The following GPR89A variants were observed in gnomAD, a reference collection of about 807,000 sequenced individuals.
GPR89A encodes the protein golgi pH regulator A.
GPR89A carries 16 observed loss-of-function variants against 52.0 expected under a neutral mutation model. The observed-to-expected ratio is 0.31, with a 90% confidence interval of 0.21 to 0.47. GPR89A has a LOEUF of 0.47. Ranked by LOEUF, GPR89A falls within the 20% of genes least tolerant of loss-of-function variation. GPR89A has a pLI of 1.00. For missense variants in GPR89A, 135 were observed against 449.4 expected, an observed-to-expected ratio of 0.30 and a Z score of 6.33; for synonymous variants, 55 against 150.9, an observed-to-expected ratio of 0.36 and a Z score of 4.66.
chr1:145,663,107 T>C (rs1401411384), intron 10 of GPR89A, among the ~76,000 whole-genome samples: 21 of 152,154 alleles, frequency 1.4e-4, no homozygotes, highest in African/African-American at 4.8e-4. Context: ...CATTGACTCT[T>C]TACAGAAAAG....
At chr1:145,627,484 A>G (rs1649589124) in intron 5 of GPR89A, among the ~76,000 whole-genome samples, 1 of 152,048 alleles carries the variant, frequency 6.6e-6, no homozygotes, top group African/African-American at 2.4e-5. Context: ...AGGGGTTGCA[A>G]ATTCAAGAGG....
intron 3 of GPR89A, among the ~76,000 whole-genome samples, chr1:145,620,985 A>G (rs1649102115): frequency 6.6e-6 from 1 of 152,196 alleles, no homozygotes; most frequent in Non-Finnish European, 1.5e-5. Flanking sequence ...TATTGCCTGG[A>G]GGATGTCCAG....
intron 10 of GPR89A, among the ~76,000 whole-genome samples, chr1:145,659,975 G>C (rs1203345005): frequency 6.6e-6 from 1 of 151,570 alleles, no homozygotes; most frequent in African/African-American, 2.4e-5. Context: ...TCTCCTTGAA[G>C]AGGTCCTTCA....
chr1:145,623,395 A>T (rs1369339933), intron 4 of GPR89A, among the ~76,000 whole-genome samples: 1 of 152,138 alleles, frequency 6.6e-6, no homozygotes, highest in Non-Finnish European at 1.5e-5. Flanking sequence ...TTTTCTACCT[A>T]TTAATAATGT....
chr1:145,668,345 C>T (rs587734233), intron 12 of GPR89A, among the ~76,000 whole-genome samples: 3 of 152,054 alleles, frequency 2.0e-5, no homozygotes, highest in Non-Finnish European at 2.9e-5. Flanking sequence ...TGTGAATGGG[C>T]GTTCACTCAT....
intron 1 of GPR89A, 33 bp from the exon 2 acceptor site, chr1:145,616,201 A>G (rs375731503): frequency 4.5e-6 from 7 of 1,548,886 alleles, no homozygotes; most frequent in African/African-American, 4.2e-5. Flanking sequence ...AAAAGAAAAT[A>G]TGTATTGACA....
In GPR89A at chr1:145,608,049, G is replaced by A. The variant is rs1647920031; in HGVS notation, c.-85G>A. 4.5e-6 allele frequency: 7 copies of A among 1,543,028 alleles called. No homozygotes were observed. Among genetic ancestry groups the A allele is most frequent in the Non-Finnish European group, 6.2e-6 (7 of 1,121,520 alleles). On this transcript the variant is annotated 5_prime_UTR_variant, in exon 1 of 14. Coordinates refer to ENST00000313835, the MANE Select transcript of GPR89A (RefSeq NM_001097612.2). ...CGGCTGCAGCACCTGGGAGAAGGCA[G>A]ACCGTGTGAGGGGGCCTGTGGCCCC...
chr1:145,664,223 G>A (rs201337700), intron 11 of GPR89A, among the ~76,000 whole-genome samples: 7 of 152,162 alleles, frequency 4.6e-5, no homozygotes, highest in Non-Finnish European at 7.4e-5. Context: ...GAAAATGAAC[G>A]AGAGCAAATT....
chr1:145,627,452 A>G (rs1649587774), intron 5 of GPR89A, among the ~76,000 whole-genome samples: 1 of 151,510 alleles, frequency 6.6e-6, no homozygotes, highest in Non-Finnish European at 1.5e-5. Flanking sequence ...AAAGATCAAT[A>G]AGAAATGATG....
chr1:145,648,857 C>T (rs1330228361), intron 10 of GPR89A, among the ~76,000 whole-genome samples: 5 of 129,172 alleles, frequency 3.9e-5, no homozygotes, highest in African/African-American at 1.5e-4. Flanking sequence ...GGCTGGAGTG[C>T]AGTGGCATGA....
At position 145,614,333 on chromosome 1, in the gene GPR89A, G is replaced by A. The variant is rs587656595; in HGVS notation, c.43-1901G>A. Among the ~76,000 whole-genome samples the A allele has an allele frequency of 1.3e-3, 196 of 151,976 alleles. 1 individual carries two copies. Among genetic ancestry groups the A allele is most frequent in the African/African-American group, 4.7e-3 (195 of 41,430 alleles). On this transcript the variant is annotated intron_variant, in intron 1 of 13. Transcript: ENST00000313835. ...CATATTGTTTTACAATATCATGTAT[G>A]TATTTCTATCATTGCACATCCATAT...
intron 10 of GPR89A, 150 bp from the exon 11 acceptor site, chr1:145,663,179 A>C: frequency 8.3e-7 from 1 of 1,210,638 alleles, no homozygotes; most frequent in East Asian, 2.5e-5. Context: ...TAGATTTCCT[A>C]TATATGATTT....
intron 7 of GPR89A, among the ~76,000 whole-genome samples, chr1:145,639,999 C>T (rs1650527927): frequency 6.6e-6 from 1 of 152,082 alleles, no homozygotes; most frequent in East Asian, 2.0e-4. Flanking sequence ...GGACGGATCA[C>T]TTAAGGTCAG....
chr1:145,641,145 A>G (rs1193052460), intron 7 of GPR89A, among the ~76,000 whole-genome samples: 1 of 151,320 alleles, frequency 6.6e-6, no homozygotes, highest in African/African-American at 2.5e-5. Context: ...CACCCCAACA[A>G]TTGCACTCCT....
chr1:145,654,684 C>T (rs1271244881), intron 10 of GPR89A, among the ~76,000 whole-genome samples: 2 of 151,734 alleles, frequency 1.3e-5, no homozygotes, highest in African/African-American at 4.8e-5. Flanking sequence ...TTTCTGGCTG[C>T]CCTTAACATT....
intron 10 of GPR89A, among the ~76,000 whole-genome samples, chr1:145,654,569 A>AAAAC (rs1651689933): frequency 2.0e-5 from 3 of 148,222 alleles, no homozygotes; most frequent in Non-Finnish European, 3.0e-5. Context: ...AAAAAAAAAA[A>AAAAC]AACAGAATGT....
At chr1:145,635,777 G>A (rs1228405352) in intron 7 of GPR89A, among the ~76,000 whole-genome samples, 1 of 152,144 alleles carries the variant, frequency 6.6e-6, no homozygotes, top group Non-Finnish European at 1.5e-5. Context: ...TGGCCAACAT[G>A]GCAAAACCCC....
At chr1:145,608,399 C>T in intron 1 of GPR89A, 1 of 851,908 alleles carries the variant, frequency 1.2e-6, no homozygotes, top group Non-Finnish European at 1.8e-6. Flanking sequence ...CACCCGGCAT[C>T]CATCCCCGGA....
At chr1:145,609,918 C>T (rs71584631) in intron 1 of GPR89A, among the ~76,000 whole-genome samples, 2,057 of 152,036 alleles carry the variant, frequency 0.014, 41 homozygotes, top group African/African-American at 0.047. Flanking sequence ...TTAGGAAGGT[C>T]TTACCTGACA....
Sources: gnomAD v4.1 joint callset for allele counts (sites outside exome capture counted in the v4.1 genomes callset) on GRCh38, gnomAD v4.1.1 for gene constraint, MANE v1.5 for transcripts, NCBI Gene and HGNC (gene_info 2026-07-23, HGNC 2026-07-21) for gene names.